The following GSE1 variants were observed in gnomAD, a reference collection of about 807,000 sequenced individuals.
The protein encoded by GSE1 is genetic suppressor element 1.
In GSE1, 32 loss-of-function variants were observed where a neutral mutation model predicts 112.6. The ratio of observed to expected loss-of-function variants is 0.28; its 90% CI spans 0.21 to 0.38. The LOEUF is 0.38. Ranked by LOEUF, GSE1 falls within the 10% of genes least tolerant of loss-of-function variation. The pLI is 1.00. For synonymous variants in GSE1, 1,115 were observed against 735.6 expected (o/e 1.52, Z -8.35); for missense variants, 2,348 against 1,699.2 (o/e 1.38, Z -6.71).
At chr16:85,658,860 A>G (rs1362803317) in intron 8 of GSE1, among the ~76,000 whole-genome samples, 3 of 152,168 alleles carry the variant, frequency 2.0e-5, no homozygotes, top group African/African-American at 7.2e-5. Flanking sequence ...TTGCCCACCC[A>G]TGGACTGCTT....
intron 1 of GSE1, among the ~76,000 whole-genome samples, chr16:85,172,672 A>G (rs1485548440): frequency 1.3e-5 from 2 of 152,236 alleles, no homozygotes; most frequent in Non-Finnish European, 2.9e-5. Flanking sequence ...TGCCAAAGAC[A>G]GTCAGTGCGA....
At chr16:85,254,697 G>T (rs1279096008) in intron 1 of GSE1, among the ~76,000 whole-genome samples, 2 of 152,236 alleles carry the variant, frequency 1.3e-5, no homozygotes, top group African/African-American at 2.4e-5. Context: ...CTCCTGGGCG[G>T]CAGCACTGAT....
At chr16:85,629,283 G>C (rs1201612103) in intron 1 of GSE1, among the ~76,000 whole-genome samples, 1 of 152,230 alleles carries the variant, frequency 6.6e-6, no homozygotes, top group Admixed American at 6.5e-5. Flanking sequence ...CACCCAGCCC[G>C]TGCCTGTGGC....
chr16:85,325,303 G>A (rs374863869), intron 1 of GSE1, among the ~76,000 whole-genome samples: 3 of 152,144 alleles, frequency 2.0e-5, no homozygotes, highest in Non-Finnish European at 4.4e-5. Flanking sequence ...TTAGTGGCGA[G>A]GGGGGCAGGC....
Position 85,417,237 on chromosome 16 carries a change from A to G in GSE1, c.2464+59594A>G, listed in dbSNP as rs2048723229. Among the ~76,000 whole-genome samples the G allele has an allele frequency of 2.6e-5, 4 of 152,318 alleles. No individual in the cohort carries two copies. In the South Asian group the frequency reaches 8.3e-4, roughly 32 times the overall value. ...TCCTGTGCACTGTTGGGTGTTTGCCACATTCCCAGCCTCAACCCCACTAGA... is the reference window on the plus strand; with the variant it reads ...TCCTGTGCACTGTTGGGTGTTTGCCGCATTCCCAGCCTCAACCCCACTAGA... On this transcript the variant is annotated intron_variant, in intron 2 of 2. Transcript: ENST00000637419.
chr16:85,672,854 A>G lies in GSE1; in HGVS notation c.*315A>G. On this transcript the variant is annotated 3_prime_UTR_variant, in exon 16 of 16. Coordinates refer to ENST00000253458, the MANE Select transcript of GSE1 (RefSeq NM_014615.5). ...ATGAAGGCTCCATTAGCAACACTAAAACTTGATCATTAACAGCCCCCTGTG... is the reference window on the plus strand; with the variant it reads ...ATGAAGGCTCCATTAGCAACACTAAGACTTGATCATTAACAGCCCCCTGTG... 1 of 195,144 alleles carries G rather than the reference A, an allele frequency of 5.1e-6. No homozygotes were observed. The highest frequency in any genetic ancestry group is 1.1e-5 in the Non-Finnish European group (1 of 94,338). The allele number at this position is 195,144 out of a possible 1,614,324, so 12.1% of individuals were successfully genotyped here. A position where few individuals can be genotyped will look rare whatever the true frequency, so the allele number is the denominator to read the frequency against.
intron 1 of GSE1, chr16:85,583,357 T>TC (rs1471577566): frequency 6.6e-6 from 1 of 152,620 alleles, no homozygotes; most frequent in Non-Finnish European, 1.5e-5. Context: ...CTCTGCCTGC[T>TC]TCCAGGGTCC....
At chr16:85,430,301 G>A (rs116590421) in intron 2 of GSE1, among the ~76,000 whole-genome samples, 2,204 of 152,230 alleles carry the variant, frequency 0.014, 54 homozygotes, top group African/African-American at 0.051. Context: ...CACACAGAAG[G>A]AAGAACCGAG....
chr16:85,623,763 C>T (rs750318880), intron 1 of GSE1, among the ~76,000 whole-genome samples: 3 of 152,204 alleles, frequency 2.0e-5, no homozygotes, highest in Non-Finnish European at 4.4e-5. Flanking sequence ...AAGCTGGAGA[C>T]CCTGGACCCC....
intron 2 of GSE1, among the ~76,000 whole-genome samples, chr16:85,418,783 C>T (rs1266327077): frequency 1.3e-5 from 2 of 152,180 alleles, no homozygotes; most frequent in Non-Finnish European, 2.9e-5. Flanking sequence ...CTGCAGGGAT[C>T]CAGGCAGGAC....
At chr16:85,326,184 A>T (rs2046224937) in intron 1 of GSE1, among the ~76,000 whole-genome samples, 1 of 151,986 alleles carries the variant, frequency 6.6e-6, no homozygotes, top group African/African-American at 2.4e-5. Context: ...CTCGTTCAGG[A>T]TATGGGCTCA....
At chr16:85,615,566 C>T (rs1016236702) in intron 1 of GSE1, among the ~76,000 whole-genome samples, 1 of 152,134 alleles carries the variant, frequency 6.6e-6, no homozygotes, top group African/African-American at 2.4e-5. Flanking sequence ...TGAGAGCCCG[C>T]CAGGAGCCTC....
At chr16:85,171,348 C>T (rs1258333962) in exon 1 of GSE1, 2 of 985,482 alleles carry the variant, frequency 2.0e-6, no homozygotes, top group East Asian at 1.1e-4. Context: ...AGTTCCAGCT[C>T]AACGTGAACC....
intron 2 of GSE1, among the ~76,000 whole-genome samples, chr16:85,480,570 G>A (rs1012875792): frequency 3.3e-5 from 5 of 152,140 alleles, no homozygotes; most frequent in Non-Finnish European, 5.9e-5. Context: ...ACCTTCCCCC[G>A]CCACCCAGAA....
At chr16:85,652,520 G>A (rs2051450592) in intron 3 of GSE1, among the ~76,000 whole-genome samples, 2 of 151,756 alleles carry the variant, frequency 1.3e-5, no homozygotes. Flanking sequence ...GAAGGGAGCA[G>A]ATGCTGCCTC....
chr16:85,461,526 T>C (rs1336507585), intron 2 of GSE1, among the ~76,000 whole-genome samples: 6 of 152,090 alleles, frequency 3.9e-5, no homozygotes, highest in African/African-American at 1.4e-4. Flanking sequence ...GGGGGCGCTG[T>C]GGTTTAAAAG....
chr16:85,479,952 T>C (rs1185907468), intron 2 of GSE1, among the ~76,000 whole-genome samples: 4 of 152,128 alleles, frequency 2.6e-5, no homozygotes, highest in Non-Finnish European at 4.4e-5. Context: ...CAGATTCAGA[T>C]CTGAGGACCC....
intron 2 of GSE1, among the ~76,000 whole-genome samples, chr16:85,380,591 G>A (rs1189553705): frequency 6.6e-6 from 1 of 152,130 alleles, no homozygotes; most frequent in African/African-American, 2.4e-5. Flanking sequence ...CATGGTCGAG[G>A]TTTAGTGTGG....
chr16:85,658,939 G>T (rs2052199479), intron 8 of GSE1, among the ~76,000 whole-genome samples: 1 of 152,256 alleles, frequency 6.6e-6, no homozygotes, highest in African/African-American at 2.4e-5. Flanking sequence ...TCCCCTGGCT[G>T]CGGTGGTTCC....
Sources: allele counts gnomAD v4.1 joint callset (sites outside exome capture counted in the v4.1 genomes callset), GRCh38; gene constraint gnomAD v4.1.1; transcripts MANE v1.5; gene names NCBI Gene and HGNC (gene_info 2026-07-23, HGNC 2026-07-21).